Variants in ZDHHC11 observed in about 807,000 individuals in gnomAD.
The protein encoded by ZDHHC11 is zDHHC palmitoyltransferase 11.
ZDHHC11 carries 44 observed loss-of-function variants against 51.3 expected under a neutral mutation model. The observed-to-expected ratio is 0.86, with a 90% CI of 0.67 to 1.10. The LOEUF (loss-of-function observed/expected upper bound fraction) is 1.10, where lower values mean the gene tolerates loss of function less well. Among genes scored for constraint, ZDHHC11 ranks in the 50% least tolerant of loss-of-function variants. ZDHHC11 has a pLI of 0.00. For missense variants in ZDHHC11, 400 were observed against 537.7 expected (o/e 0.74, Z 2.53); for synonymous variants, 163 against 222.0 (o/e 0.73, Z 2.36).
chr5:808,700 A>AT (rs1242578552), intron 11 of ZDHHC11, among the ~76,000 whole-genome samples: 3 of 136,970 alleles, frequency 2.2e-5, no homozygotes, highest in African/African-American at 8.5e-5. Context: ...AAACCTAGCT[A>AT]ATTTTTTTTT....
At chr5:844,395 C>T (rs1308879662) in intron 3 of ZDHHC11, among the ~76,000 whole-genome samples, 64 of 152,408 alleles carry the variant, frequency 4.2e-4, no homozygotes, top group African/African-American at 1.2e-3. Context: ...AGATGCGGTG[C>T]GACTCGCCCA....
chr5:836,938 T>A (rs1366253097), intron 6 of ZDHHC11, among the ~76,000 whole-genome samples: 1 of 150,704 alleles, frequency 6.6e-6, no homozygotes, highest in African/African-American at 2.4e-5. Flanking sequence ...ACATCTGTGA[T>A]CCCAGCTACT....
At chr5:798,806 G>C (rs1737983676) in intron 12 of ZDHHC11, among the ~76,000 whole-genome samples, 1 of 150,620 alleles carries the variant, frequency 6.6e-6, no homozygotes, top group Non-Finnish European at 1.5e-5. Context: ...TTTTTTGAAT[G>C]AGGCTAATTC....
chr5:841,748 CA>C, intron 4 of ZDHHC11: 1 of 993,674 alleles, frequency 1.0e-6, no homozygotes, highest in Non-Finnish European at 1.2e-6. Flanking sequence ...ACCACACTTC[CA>C]AAAATCAGGC....
chr5:854,167 CA>C (rs1747768177), upstream of ZDHHC11, among the ~76,000 whole-genome samples: 2 of 136,252 alleles, frequency 1.5e-5, no homozygotes, highest in Admixed American at 7.4e-5. Flanking sequence ...GCACAGACCA[CA>C]CAGAGGACAG....
chr5:801,506 C>T (rs975466454), intron 11 of ZDHHC11, among the ~76,000 whole-genome samples: 23 of 151,920 alleles, frequency 1.5e-4, no homozygotes, highest in Admixed American at 1.2e-3. Flanking sequence ...AGGAGGTCAG[C>T]TCATGCCTGG....
chr5:844,270 C>G (rs58770408), intron 3 of ZDHHC11, among the ~76,000 whole-genome samples: 16 of 142,554 alleles, frequency 1.1e-4, no homozygotes, highest in Non-Finnish European at 2.3e-4. Flanking sequence ...GCACACCGCC[C>G]GACAATTCAG....
intron 11 of ZDHHC11, among the ~76,000 whole-genome samples, chr5:814,007 G>A (rs1740436939): frequency 6.6e-6 from 1 of 150,496 alleles, no homozygotes; most frequent in East Asian, 1.9e-4. Flanking sequence ...GAGTGTAGGA[G>A]CGCAATATCT....
chr5:849,060 G>C (rs1561304540), intron 1 of ZDHHC11, among the ~76,000 whole-genome samples: 1 of 151,448 alleles, frequency 6.6e-6, no homozygotes. Context: ...ACATGGCCCT[G>C]CACACACAGC....
At chr5:845,263 C>A (rs1196264182) in intron 3 of ZDHHC11, among the ~76,000 whole-genome samples, 1 of 152,310 alleles carries the variant, frequency 6.6e-6, no homozygotes, top group Non-Finnish European at 1.5e-5. Context: ...CCCTACCCTG[C>A]CCCCAGTCCT....
intron 5 of ZDHHC11, among the ~76,000 whole-genome samples, chr5:838,423 C>A (rs1428965930): frequency 6.6e-6 from 1 of 152,226 alleles, no homozygotes; most frequent in African/African-American, 2.4e-5. Context: ...GAGACTGGGG[C>A]GGCCGCCCAC....
intron 7 of ZDHHC11, 134 bp from the exon 8 acceptor site, chr5:825,385 C>G: frequency 1.1e-6 from 1 of 893,214 alleles, no homozygotes; most frequent in Non-Finnish European, 1.8e-6. Flanking sequence ...TGTAGACCAG[C>G]AGCTCCTGGG....
At chr5:808,678 G>A (rs1214537838) in intron 11 of ZDHHC11, among the ~76,000 whole-genome samples, 3 of 148,546 alleles carry the variant, frequency 2.0e-5, no homozygotes, top group African/African-American at 4.9e-5. Flanking sequence ...GGGATTACAG[G>A]AGCATGCCAT....
intron 5 of ZDHHC11, chr5:839,870 G>A (rs906044796): frequency 3.1e-6 from 1 of 320,012 alleles, no homozygotes; most frequent in African/African-American, 2.2e-5. Context: ...CCCAGAGAAT[G>A]GAAGACGCTT....
In ZDHHC11 at chr5:846,294, C is replaced by A. The variant is rs540689815; in HGVS notation, c.503+1220G>T. Among the ~76,000 whole-genome samples, 124 of 151,224 alleles carry A rather than the reference C, an allele frequency of 8.2e-4. 11 individuals are homozygous for A. Among genetic ancestry groups the A allele is most frequent in the African/African-American group, 2.4e-3 (100 of 40,952 alleles). ...TCCTGTGACACCAGGCAACGTTGGT[C>A]CCCACTCCCACGCACACCAAGGCCT... On this transcript the variant is annotated intron_variant, in intron 3 of 12. Transcript: ENST00000283441.
chr5:854,795 G>A (rs1207279716), upstream of ZDHHC11, among the ~76,000 whole-genome samples: 1 of 108,322 alleles, frequency 9.2e-6, no homozygotes, highest in Non-Finnish European at 1.9e-5. Context: ...GGACAGTGAG[G>A]AGCGGGGACA....
intron 11 of ZDHHC11, among the ~76,000 whole-genome samples, chr5:807,316 C>T (rs1213745573): frequency 4.0e-5 from 6 of 150,092 alleles, no homozygotes; most frequent in African/African-American, 1.5e-4. Flanking sequence ...TAGGAATATA[C>T]AACTATATCT....
chr5:819,694 T>C (rs1377124398), intron 9 of ZDHHC11, 82 bp from the exon 10 acceptor site: 2 of 1,429,208 alleles, frequency 1.4e-6, no homozygotes, highest in African/African-American at 2.8e-5. Context: ...CAGTGTGTCC[T>C]GTAAGCACCA....
chr5:835,977 T>C (rs1281569976), intron 6 of ZDHHC11, among the ~76,000 whole-genome samples: 2 of 151,880 alleles, frequency 1.3e-5, no homozygotes, highest in African/African-American at 4.8e-5. Context: ...TCTTAAAACA[T>C]ACTTTTTAGG....
Sources: gnomAD v4.1 joint callset for allele counts (sites outside exome capture counted in the v4.1 genomes callset) on GRCh38, gnomAD v4.1.1 for gene constraint, MANE v1.5 for transcripts, NCBI Gene and HGNC (gene_info 2026-07-23, HGNC 2026-07-21) for gene names.